The following RIPOR2 variants were observed in gnomAD, a reference collection of about 807,000 sequenced individuals.
RIPOR2 encodes the protein rho family-interacting cell polarization regulator 2.
RIPOR2 carries 39 observed loss-of-function variants against 114.5 expected under a neutral mutation model. The ratio of observed to expected loss-of-function variants is 0.34; its 90% confidence interval spans 0.26 to 0.44. The LOEUF (loss-of-function observed/expected upper bound fraction) is 0.44. Among genes scored for constraint, RIPOR2 ranks in the 20% least tolerant of loss-of-function variants. RIPOR2 has a pLI of 1.00. For synonymous variants in RIPOR2, 445 were observed against 484.4 expected, an observed-to-expected ratio of 0.92 and a Z score of 1.07; for missense variants, 1,007 against 1,255.1, an observed-to-expected ratio of 0.80 and a Z score of 2.99.
rs1375012777 is a variant in RIPOR2, at chr6:24,980,211, A to G, written c.76+61640T>C. 4.6e-5 allele frequency among the ~76,000 whole-genome samples: 7 copies of G among 152,242 alleles called. No individual in the cohort carries two copies. The East Asian group carries it at 1.3e-3, about 29-fold the overall frequency. On this transcript the variant is annotated intron_variant, in intron 1 of 13. Coordinates refer to the RIPOR2 transcript ENST00000510784. ...GAAGCTGCTAAGAATCTCAATAAAC[A>G]CCATGAATGACTTTAAATTACTCTC...
intron 1 of RIPOR2, among the ~76,000 whole-genome samples, chr6:25,034,310 T>TG (rs965440836): frequency 1.2e-3 from 24 of 19,590 alleles, no homozygotes; most frequent in African/African-American, 3.8e-3. Flanking sequence ...TGACAACTGT[T>TG]GGGGGGGTGG....
At chr6:24,941,381 A>G (rs1772126099) in intron 1 of RIPOR2, among the ~76,000 whole-genome samples, 1 of 152,154 alleles carries the variant, frequency 6.6e-6, no homozygotes, top group Non-Finnish European at 1.5e-5. Context: ...AACAGAAAAA[A>G]AAAAAAGCAT....
chr6:24,840,265 G>A (rs1562241641), intron 13 of RIPOR2: 1 of 1,027,934 alleles, frequency 9.7e-7, no homozygotes, highest in Non-Finnish European at 1.2e-6. Flanking sequence ...TTTTTCCTCT[G>A]AGGACTGAGG....
At position 24,895,091 on chromosome 6, in the gene RIPOR2, C is replaced by T. The variant is rs939385205; in HGVS notation, c.62-19274G>A. Among the ~76,000 whole-genome samples the T allele has an allele frequency of 7.2e-5, 11 of 152,230 alleles. No homozygotes were observed. In the South Asian group the frequency reaches 1.5e-3, roughly 20 times the overall value. On this transcript the variant is annotated intron_variant, in intron 1 of 21. Transcript: ENST00000643898. ...TTTTTGAGACAGAGTCTCACTCTGT[C>T]GCCTAGGCTGGTGTGCAGTGGCACC...
At chr6:25,023,850 G>A (rs758143744) in intron 1 of RIPOR2, 1 of 733,858 alleles carries the variant, frequency 1.4e-6, no homozygotes, top group Non-Finnish European at 2.5e-6. Flanking sequence ...TGGGGGCTTT[G>A]ACCGGTTCCT....
At chr6:25,040,786 T>C (rs1446687277) in intron 1 of RIPOR2, among the ~76,000 whole-genome samples, 5 of 152,130 alleles carry the variant, frequency 3.3e-5, no homozygotes, top group African/African-American at 7.2e-5. Flanking sequence ...AGAGACAGGG[T>C]TTCACCATGT....
Position 24,843,084 on chromosome 6 carries a change from C to T in RIPOR2, c.1635G>A (p.Gln545=). 2.5e-6 allele frequency: 4 copies of T among 1,613,752 alleles called. No individual in the cohort carries two copies. Among genetic ancestry groups the T allele is most frequent in the Non-Finnish European group, 3.4e-6 (4 of 1,179,764 alleles). ...CTGCAGATGTGAGCCTCTTGACCAG[C>T]TGCTTTGTGATGTTTCCTTCCGAAG... ...LDTSEGNITK[Q]LVKRLTSAEV... is the part of the protein sequence containing the mutation. The change falls in exon 13 of 22, where the codon CAG becomes CAA. Residue 545 remains glutamine (Q), a synonymous_variant. Transcript: ENST00000643898.
At chr6:24,900,638 G>T (rs1003901629) in intron 1 of RIPOR2, among the ~76,000 whole-genome samples, 1 of 151,990 alleles carries the variant, frequency 6.6e-6, no homozygotes, top group Non-Finnish European at 1.5e-5. Flanking sequence ...TGAGCCTGTG[G>T]TCCCAGCTAC....
At position 25,025,190 on chromosome 6, in the gene RIPOR2, T is replaced by C. The variant is rs1406129882; in HGVS notation, c.76+16661A>G. Among the ~76,000 whole-genome samples the C allele has an allele frequency of 2.6e-5, 4 of 152,300 alleles. No individual in the cohort carries two copies. In the East Asian group the frequency reaches 7.7e-4, roughly 29 times the overall value. ...TCTCACGCCTGCTCCCACCCACAGGTCCTGGTGTACATGTGGGTGGTGGGA... is the reference window on the plus strand; with the variant it reads ...TCTCACGCCTGCTCCCACCCACAGGCCCTGGTGTACATGTGGGTGGTGGGA... On this transcript the variant is annotated intron_variant, in intron 1 of 13. Transcript: ENST00000510784.
At chr6:25,031,997 A>G (rs1344987258) in intron 1 of RIPOR2, among the ~76,000 whole-genome samples, 1 of 151,388 alleles carries the variant, frequency 6.6e-6, no homozygotes, top group Admixed American at 6.6e-5. Context: ...GTAGACCCAT[A>G]CACTTGCTTT....
chr6:25,009,868 T>C (rs1775708581), intron 1 of RIPOR2, among the ~76,000 whole-genome samples: 2 of 152,166 alleles, frequency 1.3e-5, no homozygotes, highest in Admixed American at 6.5e-5. Flanking sequence ...CCACACAGCC[T>C]TCTACTGCCC....
At chr6:24,863,675 A>G (rs1396544025) in intron 7 of RIPOR2, among the ~76,000 whole-genome samples, 2 of 152,240 alleles carry the variant, frequency 1.3e-5, no homozygotes, top group African/African-American at 4.8e-5. Flanking sequence ...ATGTTTAGGT[A>G]TGATGAAGGT....
At chr6:24,956,000 A>G (rs1773024819) in intron 1 of RIPOR2, among the ~76,000 whole-genome samples, 1 of 95,996 alleles carries the variant, frequency 1.0e-5, no homozygotes, top group African/African-American at 3.9e-5. Flanking sequence ...ACAGAGTGAG[A>G]CTCTGTCTCA....
intron 1 of RIPOR2, among the ~76,000 whole-genome samples, chr6:24,926,081 C>T (rs1432515653): frequency 3.9e-5 from 6 of 152,154 alleles, no homozygotes; most frequent in African/African-American, 1.4e-4. Flanking sequence ...ATTTAAAAAT[C>T]TTAATTGCTG....
intron 6 of RIPOR2, 87 bp from the exon 7 acceptor site, chr6:24,865,537 T>C (rs1009954063): frequency 3.5e-6 from 4 of 1,149,674 alleles, no homozygotes; most frequent in Non-Finnish European, 3.6e-6. Flanking sequence ...ATTTACTTTA[T>C]ATTTCTGACC....
chr6:24,869,984 C>A (rs923914929), intron 5 of RIPOR2, among the ~76,000 whole-genome samples: 2 of 152,032 alleles, frequency 1.3e-5, no homozygotes, highest in Admixed American at 6.6e-5. Flanking sequence ...TCAAAAAGAA[C>A]ACACTATGAT....
At chr6:24,916,107 T>C (rs935191596) in intron 1 of RIPOR2, among the ~76,000 whole-genome samples, 2 of 152,242 alleles carry the variant, frequency 1.3e-5, no homozygotes, top group African/African-American at 4.8e-5. Flanking sequence ...CCAAAGCTTC[T>C]TTTGGCTCTA....
At chr6:24,918,054 CTG>C (rs1254237879) in intron 1 of RIPOR2, among the ~76,000 whole-genome samples, 3 of 152,218 alleles carry the variant, frequency 2.0e-5, no homozygotes, top group African/African-American at 7.2e-5. Context: ...GAGGGCTCAC[CTG>C]TAGGGACCAC....
At chr6:25,010,274 C>T (rs988937933) in intron 1 of RIPOR2, among the ~76,000 whole-genome samples, 2 of 152,096 alleles carry the variant, frequency 1.3e-5, no homozygotes, top group Non-Finnish European at 2.9e-5. Context: ...TTAGTCCCCT[C>T]TTCCCACCAG....
Sources: allele counts gnomAD v4.1 joint callset (sites outside exome capture counted in the v4.1 genomes callset), GRCh38; gene constraint gnomAD v4.1.1; transcripts MANE v1.5; gene names NCBI Gene and HGNC (gene_info 2026-07-23, HGNC 2026-07-21).